Variants in VAT1L observed in about 807,000 individuals in gnomAD.
The protein encoded by VAT1L is vesicle amine transport 1 like.
VAT1L carries 34 observed loss-of-function variants against 44.1 expected under a neutral mutation model. That is an observed-to-expected ratio of 0.77 (90% CI 0.59 to 1.03). The LOEUF (loss-of-function observed/expected upper bound fraction) is 1.03, where lower values mean the gene tolerates loss of function less well. VAT1L is among the 50% of genes least tolerant of loss of function. The probability of loss-of-function intolerance (pLI) is 0.00; values close to 1 mark genes in which losing one functional copy is unlikely to be tolerated. For missense variants in VAT1L, 615 were observed against 538.8 expected (o/e 1.14, Z -1.40); for synonymous variants, 253 against 202.2 (o/e 1.25, Z -2.13).
chr16:77,826,552 G>A (rs2016525510), intron 3 of VAT1L, among the ~76,000 whole-genome samples: 1 of 152,176 alleles, frequency 6.6e-6, no homozygotes, highest in Admixed American at 6.5e-5. Flanking sequence ...CCAAGGCGGA[G>A]AATGGTGGAA....
At position 77,964,779 on chromosome 16, in the gene VAT1L, C is replaced by CTTTTTTTT. The variant is rs10566511; in HGVS notation, c.1078-7046_1078-7039dup. Among the ~76,000 whole-genome samples the CTTTTTTTT allele has an allele frequency of 7.5e-3, 686 of 91,812 alleles. 34 individuals carry two copies. Among genetic ancestry groups the CTTTTTTTT allele is most frequent in the East Asian group, 0.015 (39 of 2,596 alleles). 60.2% of individuals were successfully genotyped at this position (91,812 alleles called of 152,430 possible). A position where few individuals can be genotyped will look rare whatever the true frequency, so the allele number is the denominator to read the frequency against. ...AACACTGCTCACGCCCTTTGTAGCACTTTTTTTTTTTTTTTTTTTTTTTTT... is the reference window on the plus strand; with the variant it reads ...AACACTGCTCACGCCCTTTGTAGCACTTTTTTTTTTTTTTTTTTTTTTTTTTTTTTTTT... On this transcript the variant is annotated intron_variant, in intron 7 of 8. Transcript: ENST00000302536.
At chr16:77,893,530 C>G (rs1310563525) in intron 7 of VAT1L, among the ~76,000 whole-genome samples, 1 of 152,214 alleles carries the variant, frequency 6.6e-6, no homozygotes, top group African/African-American at 2.4e-5. Flanking sequence ...AAGTCAAATC[C>G]TCAACCACAT....
At chr16:77,952,356 T>C (rs1044108063) in intron 7 of VAT1L, among the ~76,000 whole-genome samples, 2 of 151,632 alleles carry the variant, frequency 1.3e-5, no homozygotes, top group African/African-American at 4.9e-5. Flanking sequence ...TAGTGGGAGG[T>C]GTTCGGATCA....
chr16:77,833,770 A>T (rs532009777), intron 3 of VAT1L, among the ~76,000 whole-genome samples: 1 of 152,088 alleles, frequency 6.6e-6, no homozygotes, highest in African/African-American at 2.4e-5. Context: ...GAAAAAGAAA[A>T]AAAAGAAAAA....
intron 3 of VAT1L, among the ~76,000 whole-genome samples, chr16:77,845,407 G>A (rs2016748804): frequency 6.6e-6 from 1 of 152,084 alleles, no homozygotes; most frequent in South Asian, 2.1e-4. Context: ...CTCTCAGAGG[G>A]GCCCCACTAG....
intron 2 of VAT1L, among the ~76,000 whole-genome samples, chr16:77,819,312 A>T (rs74029421): frequency 0.017 from 2,563 of 152,218 alleles, 77 homozygotes; most frequent in African/African-American, 0.057. Context: ...TCTGTGAAGA[A>T]CAGGATGCTA....
At chr16:77,791,019 G>C (rs182333842) in intron 1 of VAT1L, among the ~76,000 whole-genome samples, 1 of 152,162 alleles carries the variant, frequency 6.6e-6, no homozygotes, top group South Asian at 2.1e-4. Flanking sequence ...AGGTACATTT[G>C]GAATACAGTG....
rs372136018 is a variant in VAT1L, at chr16:77,887,700, C to T, written c.1077+2898C>T. Among the ~76,000 whole-genome samples, 10 of 152,300 alleles carry T rather than the reference C, an allele frequency of 6.6e-5. No individual in the cohort carries two copies. The East Asian group carries it at 1.4e-3, about 21-fold the overall frequency. On this transcript the variant is annotated intron_variant, in intron 7 of 8. Transcript: ENST00000302536. ...CTAATGAGAGATGAGAAAGCCAAGG[C>T]TGGCAGCGTGCTTGACTGAGTCATG...
At chr16:77,907,960 G>T (rs398995) in intron 7 of VAT1L, among the ~76,000 whole-genome samples, 16,697 of 152,222 alleles carry the variant, frequency 0.11, 1,232 homozygotes, top group East Asian at 0.2. Flanking sequence ...CATCAAAAGG[G>T]CTGGACACGG....
At chr16:77,910,591 A>G (rs544590203) in intron 7 of VAT1L, among the ~76,000 whole-genome samples, 43 of 150,008 alleles carry the variant, frequency 2.9e-4, no homozygotes, top group African/African-American at 9.8e-4. Flanking sequence ...GGAGAATTGC[A>G]TGAACCCGGG....
At chr16:77,938,694 C>T (rs557003070) in intron 7 of VAT1L, among the ~76,000 whole-genome samples, 6 of 152,252 alleles carry the variant, frequency 3.9e-5, no homozygotes, top group African/African-American at 1.2e-4. Flanking sequence ...AGATGCCAGC[C>T]TCATGCTTCC....
At chr16:77,975,910 T>A (rs1362193482) in intron 8 of VAT1L, among the ~76,000 whole-genome samples, 5 of 152,226 alleles carry the variant, frequency 3.3e-5, no homozygotes, top group Non-Finnish European at 7.3e-5. Context: ...CCTTATGGAT[T>A]CTGTGTTCAC....
At chr16:77,926,089 C>G (rs752590356) in intron 7 of VAT1L, among the ~76,000 whole-genome samples, 1 of 151,140 alleles carries the variant, frequency 6.6e-6, no homozygotes, top group African/African-American at 2.4e-5. Flanking sequence ...TGTGAAACCC[C>G]GTCTCTACTA....
intron 3 of VAT1L, among the ~76,000 whole-genome samples, chr16:77,851,900 C>G (rs374685445): frequency 7.9e-5 from 12 of 152,132 alleles, no homozygotes; most frequent in African/African-American, 2.9e-4. Context: ...ACACAGGACC[C>G]TCGGAGATTC....
chr16:77,809,947 A>T (rs1014505134), intron 1 of VAT1L, among the ~76,000 whole-genome samples: 1 of 152,252 alleles, frequency 6.6e-6, no homozygotes, highest in Admixed American at 6.5e-5. Flanking sequence ...AGCTCGTGTC[A>T]TGATAACCAC....
At chr16:77,825,025 C>G (rs2016502437) in intron 2 of VAT1L, among the ~76,000 whole-genome samples, 1 of 151,738 alleles carries the variant, frequency 6.6e-6, no homozygotes, top group African/African-American at 2.4e-5. Flanking sequence ...CGCCATCACG[C>G]CTGGTGAATT....
chr16:77,808,657 G>T (rs140391941), intron 1 of VAT1L, among the ~76,000 whole-genome samples: 1 of 151,886 alleles, frequency 6.6e-6, no homozygotes, highest in Non-Finnish European at 1.5e-5. Flanking sequence ...GTGCAATGGC[G>T]CAATCTTAGC....
rs201252150 is a variant in VAT1L, at chr16:77,893,911, T to G, written c.1077+9109T>G. Among the ~76,000 whole-genome samples the G allele has an allele frequency of 8.5e-5, 13 of 152,318 alleles. No individual in the cohort carries two copies. In the East Asian group the frequency reaches 2.3e-3, roughly 27 times the overall value. The stretch of plus-strand genomic sequence containing the variant: ...CTAGGAAATGCTTAGCATAGCATGT[T>G]TATATGTGCCAAGTACCTTGCATTT... On this transcript the variant is annotated intron_variant, in intron 7 of 8. Coordinates refer to ENST00000302536, the MANE Select transcript of VAT1L (RefSeq NM_020927.3).
intron 1 of VAT1L, among the ~76,000 whole-genome samples, chr16:77,811,783 G>C (rs934960306): frequency 7.9e-5 from 12 of 152,182 alleles, no homozygotes; most frequent in Non-Finnish European, 1.5e-4. Flanking sequence ...TAACAGAAAA[G>C]AAAGTGTAGA....
Sources: gnomAD v4.1 joint callset for allele counts (sites outside exome capture counted in the v4.1 genomes callset) on GRCh38, gnomAD v4.1.1 for gene constraint, MANE v1.5 for transcripts, NCBI Gene and HGNC (gene_info 2026-07-23, HGNC 2026-07-21) for gene names.